The following EML1 variants were observed in gnomAD, a reference collection of about 807,000 sequenced individuals.
EML1 encodes echinoderm microtubule-associated protein-like 1.
In EML1, 27 loss-of-function variants were observed where a neutral mutation model predicts 110.4. The ratio of observed to expected loss-of-function variants is 0.24; its 90% CI spans 0.18 to 0.34. The LOEUF (loss-of-function observed/expected upper bound fraction) is 0.34. Among genes scored for constraint, EML1 ranks in the 10% least tolerant of loss-of-function variants. The probability of loss-of-function intolerance (pLI) is 1.00; values close to 1 mark genes in which losing one functional copy is unlikely to be tolerated. For synonymous variants in EML1, 344 were observed against 385.8 expected, an observed-to-expected ratio of 0.89 and a Z score of 1.27; for missense variants, 741 against 1,030.9, an observed-to-expected ratio of 0.72 and a Z score of 3.85.
chr14:99,737,883 C>T (rs1283118006), intron 1 of EML1: 1 of 1,288,086 alleles, frequency 7.8e-7, no homozygotes, highest in Non-Finnish European at 1.0e-6. Context: ...GCTATATTTA[C>T]CCGCTGTGGC....
intron 4 of EML1, among the ~76,000 whole-genome samples, chr14:99,881,665 A>G (rs1214121420): frequency 6.6e-6 from 1 of 151,586 alleles, no homozygotes; most frequent in African/African-American, 2.4e-5. Flanking sequence ...CAGTGGCACA[A>G]TCTCGGGTCA....
chr14:99,854,640 A>G (rs74084789), intron 2 of EML1, among the ~76,000 whole-genome samples: 9,622 of 152,150 alleles, frequency 0.063, 1,024 homozygotes, highest in African/African-American at 0.22. Flanking sequence ...TATTTTTTAA[A>G]ATAGGAAGAA....
At chr14:99,825,845 A>G (rs1595346825) in intron 1 of EML1, among the ~76,000 whole-genome samples, 1 of 152,206 alleles carries the variant, frequency 6.6e-6, no homozygotes, top group South Asian at 2.1e-4. Flanking sequence ...TGGAGAGGAC[A>G]TAAGGGAAGG....
intron 9 of EML1, among the ~76,000 whole-genome samples, chr14:99,904,999 G>A (rs1821804585): frequency 6.6e-6 from 1 of 152,084 alleles, no homozygotes; most frequent in Admixed American, 6.5e-5. Flanking sequence ...AAACTTTACA[G>A]GAGATAAATA....
intron 1 of EML1, among the ~76,000 whole-genome samples, chr14:99,738,877 C>T (rs1379457450): frequency 2.0e-5 from 3 of 152,138 alleles, no homozygotes; most frequent in Non-Finnish European, 1.5e-5. Context: ...CACCGATTGT[C>T]GCTGGCACGT....
At chr14:99,860,043 G>C (rs1370188108) in intron 2 of EML1, among the ~76,000 whole-genome samples, 1 of 152,088 alleles carries the variant, frequency 6.6e-6, no homozygotes, top group Non-Finnish European at 1.5e-5. Context: ...GGCGTGTGCT[G>C]TGTCTTCCAG....
At chr14:99,750,228 C>G (rs2057160213) in intron 1 of EML1, among the ~76,000 whole-genome samples, 1 of 152,218 alleles carries the variant, frequency 6.6e-6, no homozygotes, top group Non-Finnish European at 1.5e-5. Context: ...GCTGGAATCC[C>G]GTGGGAGAAG....
chr14:99,805,505 C>T (rs2057954880), intron 1 of EML1, among the ~76,000 whole-genome samples: 2 of 152,054 alleles, frequency 1.3e-5, no homozygotes, highest in Admixed American at 1.3e-4. Context: ...AGGTAGGGCT[C>T]AGTCTGTTGC....
rs1439028211 is a variant in EML1 at position 99,940,671 on chromosome 14, G to A, written c.*559G>A. 6.6e-6 allele frequency: 1 copy of A among 152,232 alleles called. No homozygotes were observed. The highest frequency in any genetic ancestry group is 1.5e-5 in the Non-Finnish European group (1 of 68,050). The allele number at this position is 152,232 out of a possible 1,614,324, so 9.4% of individuals were successfully genotyped here. On this transcript the variant is annotated 3_prime_UTR_variant, in exon 22 of 22. Transcript: ENST00000262233. ...GTTTCATTGCATTCTCCCTTGGGGAGGCTGTGAGAGAGGGCTTGTATCCCT... is the reference window on the plus strand; with the variant it reads ...GTTTCATTGCATTCTCCCTTGGGGAAGCTGTGAGAGAGGGCTTGTATCCCT...
intron 1 of EML1, among the ~76,000 whole-genome samples, chr14:99,800,343 T>G (rs1398837938): frequency 7.2e-6 from 1 of 139,612 alleles, no homozygotes; most frequent in African/African-American, 3.2e-5. Flanking sequence ...AAGGACTTGT[T>G]TTTTTTTTAA....
intron 4 of EML1, among the ~76,000 whole-genome samples, chr14:99,885,137 T>G (rs184102669): frequency 1.2e-4 from 18 of 152,346 alleles, no homozygotes; most frequent in African/African-American, 4.1e-4. Flanking sequence ...TGAACATGAG[T>G]GCTCAATAAC....
intron 2 of EML1, among the ~76,000 whole-genome samples, chr14:99,863,365 A>G (rs577900787): frequency 6.6e-6 from 1 of 152,230 alleles, no homozygotes; most frequent in South Asian, 2.1e-4. Context: ...CCTGTCTCCT[A>G]GATGGTTTTA....
At chr14:99,755,347 A>G (rs980292497) in intron 1 of EML1, among the ~76,000 whole-genome samples, 2 of 152,204 alleles carry the variant, frequency 1.3e-5, no homozygotes, top group Non-Finnish European at 2.9e-5. Context: ...ATGCTGCCAG[A>G]GAGTCAGGGG....
At chr14:99,924,666 T>C (rs1189606572) in intron 17 of EML1, among the ~76,000 whole-genome samples, 2 of 152,212 alleles carry the variant, frequency 1.3e-5, no homozygotes, top group Non-Finnish European at 2.9e-5. Context: ...CTACATTTTA[T>C]TAAGTTTCTT....
In EML1 at chr14:99,905,330, G is replaced by C. The variant is rs2059827047; in HGVS notation, c.1009-2308G>C. ...CATGCCCCTGGTCGGCCCCATCGTT[G>C]TTAATCCAGCCTCCAACCAGGAGCT... On this transcript the variant is annotated intron_variant, in intron 9 of 21. Transcript: ENST00000262233. The surrounding 1 kb of genome is among the most constrained non-coding windows in gnomAD (Gnocchi z 4.1). Among the ~76,000 whole-genome samples, 1 of 152,234 alleles carries C rather than the reference G, an allele frequency of 6.6e-6. No individual in the cohort carries two copies. Among genetic ancestry groups the C allele is most frequent in the Non-Finnish European group, 1.5e-5 (1 of 68,050 alleles).
intron 1 of EML1, among the ~76,000 whole-genome samples, chr14:99,777,675 C>T (rs1483575401): frequency 2.0e-5 from 3 of 152,246 alleles, no homozygotes; most frequent in Admixed American, 6.5e-5. Context: ...CCGCCTCAGC[C>T]TCCAAAAGTG....
chr14:99,869,197 A>C (rs1267369862), intron 3 of EML1, among the ~76,000 whole-genome samples: 1 of 152,186 alleles, frequency 6.6e-6, no homozygotes, highest in Admixed American at 6.5e-5. Flanking sequence ...GGTGGTGGCA[A>C]CCCTGTGTTG....
upstream of EML1, among the ~76,000 whole-genome samples, chr14:99,791,071 G>C (rs1437425778): frequency 1.3e-5 from 2 of 151,982 alleles, no homozygotes; most frequent in African/African-American, 4.8e-5. Flanking sequence ...ATGTTGCCCA[G>C]GCTGGTCTTG....
At chr14:99,858,970 G>A (rs934165235) in intron 2 of EML1, among the ~76,000 whole-genome samples, 3 of 152,144 alleles carry the variant, frequency 2.0e-5, no homozygotes, top group African/African-American at 7.2e-5. Context: ...TTATTGATGT[G>A]ATGTAAGTTA....
Sources: allele counts gnomAD v4.1 joint callset (sites outside exome capture counted in the v4.1 genomes callset), GRCh38; gene constraint gnomAD v4.1.1; non-coding constraint Gnocchi (gnomAD v3.1); transcripts MANE v1.5; gene names NCBI Gene and HGNC (gene_info 2026-07-23, HGNC 2026-07-21).